Variants in DAD1 observed in about 807,000 individuals in gnomAD.
DAD1 encodes the protein dolichyl-diphosphooligosaccharide--protein glycosyltransferase subunit DAD1.
In DAD1, 4 loss-of-function variants were observed where a neutral mutation model predicts 9.0. The ratio of observed to expected loss-of-function variants is 0.44; its 90% CI spans 0.22 to 1.01. The LOEUF (loss-of-function observed/expected upper bound fraction) is 1.01. Ranked by LOEUF, DAD1 falls within the 50% of genes least tolerant of loss-of-function variation. DAD1 has a pLI of 0.24. For missense variants in DAD1, 119 were observed against 137.3 expected (o/e 0.87, Z 0.67); for synonymous variants, 60 against 62.5 (o/e 0.96, Z 0.19).
intron 2 of DAD1, among the ~76,000 whole-genome samples, chr14:22,573,357 T>C (rs2037054146): frequency 6.6e-6 from 1 of 151,806 alleles, no homozygotes; most frequent in Non-Finnish European, 1.5e-5. Context: ...GGCTGGCACA[T>C]AGAAGGGGAG....
intron 2 of DAD1, among the ~76,000 whole-genome samples, chr14:22,571,292 C>T (rs7150788): frequency 0.097 from 12,031 of 124,308 alleles, 948 homozygotes; most frequent in African/African-American, 0.25. Context: ...CTAGCCTGGG[C>T]AAGACAGTAA....
intron 2 of DAD1, among the ~76,000 whole-genome samples, chr14:22,565,573 A>C (rs1213374673): frequency 6.6e-6 from 1 of 152,240 alleles, no homozygotes; most frequent in East Asian, 1.9e-4. Flanking sequence ...TAGGGAAGTA[A>C]GGATTCAAGA....
chr14:22,577,629 A>G (rs1594882557), intron 1 of DAD1, among the ~76,000 whole-genome samples: 1 of 152,248 alleles, frequency 6.6e-6, no homozygotes, highest in South Asian at 2.1e-4. Context: ...GATACCTGCT[A>G]CAACACGGCT....
chr14:22,573,985 AC>A (rs1411280998), intron 2 of DAD1, among the ~76,000 whole-genome samples: 1 of 152,214 alleles, frequency 6.6e-6, no homozygotes, highest in Non-Finnish European at 1.5e-5. Flanking sequence ...TATAAAAATG[AC>A]AGCTTTCCAA....
intron 1 of DAD1, among the ~76,000 whole-genome samples, chr14:22,579,267 T>C (rs866496140): frequency 6.6e-6 from 1 of 150,480 alleles, no homozygotes; most frequent in African/African-American, 2.4e-5. Flanking sequence ...TTCCGAAGTA[T>C]CTTTATGCCT....
At position 22,585,484 on chromosome 14, in the gene DAD1, C is replaced by G. The variant is rs5742752; in HGVS notation, c.211+3463G>C. Among the ~76,000 whole-genome samples, 6 of 152,282 alleles carry G rather than the reference C, an allele frequency of 3.9e-5. No individual in the cohort carries two copies. The East Asian group carries it at 1.2e-3, about 29-fold the overall frequency. On this transcript the variant is annotated intron_variant, in intron 1 of 2. Coordinates refer to ENST00000250498, the MANE Select transcript of DAD1 (RefSeq NM_001344.4). ...GATATCTAACTACAAGATAAACAGTCAGCTACTGGATGTTTGAAATCTGTC... is the reference window on the plus strand; with the variant it reads ...GATATCTAACTACAAGATAAACAGTGAGCTACTGGATGTTTGAAATCTGTC...
At chr14:22,584,586 G>C (rs2037139958) in intron 1 of DAD1, among the ~76,000 whole-genome samples, 1 of 150,638 alleles carries the variant, frequency 6.6e-6, no homozygotes, top group Admixed American at 6.6e-5. Flanking sequence ...AATTGCACTT[G>C]AGCTGAGAAG....
rs139319316 is a variant in DAD1, at chr14:22,569,701, A to G, written c.*45-4564T>C. On this transcript the variant is annotated intron_variant, in intron 2 of 2. Transcript: ENST00000250498. Reference sequence around the variant, plus strand: ...GGCAGCAATGAAATTCATAAATATAAATCTATTTCGATATTCTTTTTTCTT... The same window carrying G: ...GGCAGCAATGAAATTCATAAATATAGATCTATTTCGATATTCTTTTTTCTT... Among the ~76,000 whole-genome samples the G allele has an allele frequency of 3.9e-3, 595 of 152,358 alleles. 1 individual carries two copies. Among genetic ancestry groups the G allele is most frequent in the Admixed American group, 8.0e-3 (122 of 15,310 alleles).
At chr14:22,580,995 T>C (rs2037112477) in intron 1 of DAD1, among the ~76,000 whole-genome samples, 1 of 152,220 alleles carries the variant, frequency 6.6e-6, no homozygotes, top group Non-Finnish European at 1.5e-5. Context: ...AGTCTCTCCC[T>C]GGGCACTTCC....
At chr14:22,573,929 T>C (rs1377366583) in intron 2 of DAD1, among the ~76,000 whole-genome samples, 1 of 152,122 alleles carries the variant, frequency 6.6e-6, no homozygotes, top group Non-Finnish European at 1.5e-5. Flanking sequence ...TGCATCCACT[T>C]TGCACATAGA....
chr14:22,568,526 A>T (rs1006338086), intron 2 of DAD1, among the ~76,000 whole-genome samples: 26 of 152,192 alleles, frequency 1.7e-4, no homozygotes, highest in Non-Finnish European at 2.4e-4. Flanking sequence ...CCTCAAACAC[A>T]AAAGAACCAT....
At chr14:22,587,729 A>G (rs982869880) in intron 1 of DAD1, among the ~76,000 whole-genome samples, 1 of 150,930 alleles carries the variant, frequency 6.6e-6, no homozygotes, top group Non-Finnish European at 1.5e-5. Context: ...GCACAGCACC[A>G]CTGTCACCAG....
Position 22,589,172 on chromosome 14 carries a change from T to C in DAD1, c.-15A>G, listed in dbSNP as rs139670797. On this transcript the variant is annotated 5_prime_UTR_variant, in exon 1 of 3. Coordinates refer to ENST00000250498, the MANE Select transcript of DAD1 (RefSeq NM_001344.4). ...GACGCCGACATAACTGCACGCAAGG[T>C]ACTCCGGTCCGCGCCCCAAACTCTT... is the stretch of plus-strand genomic sequence containing the variant. The C allele has an allele frequency of 8.9e-4, 1,441 of 1,613,830 alleles. 12 individuals are homozygous for C. The African/African-American group carries it at 0.015, about 17-fold the overall frequency.
Position 22,571,025 on chromosome 14 carries a change from T to TAAAA in DAD1, c.*44+4030_*44+4033dup, listed in dbSNP as rs34659715. Among the ~76,000 whole-genome samples the TAAAA allele has an allele frequency of 5.7e-3, 855 of 149,238 alleles. 6 individuals carry two copies. The highest frequency in any genetic ancestry group is 0.019 in the African/African-American group (784 of 40,498). The stretch of plus-strand genomic sequence containing the variant: ...GGACTGAGATTTTTTTTTTTTTTTT[T>TAAAA]AAAAAAGAGTTTCACAGGCCAGGTG... On this transcript the variant is annotated intron_variant, in intron 2 of 2. Coordinates refer to ENST00000250498, the MANE Select transcript of DAD1 (RefSeq NM_001344.4).
intron 1 of DAD1, among the ~76,000 whole-genome samples, chr14:22,585,058 T>C (rs540005366): frequency 2.6e-5 from 4 of 152,352 alleles, no homozygotes; most frequent in African/African-American, 9.6e-5. Context: ...TGAGAGATAA[T>C]ATTAGGATCC....
In DAD1 at chr14:22,565,150, A is replaced by T; in HGVS notation, c.*45-13T>A. On this transcript the variant is annotated splice_polypyrimidine_tract_variant and intron_variant, in intron 2 of 2. Coordinates refer to ENST00000250498, the MANE Select transcript of DAD1 (RefSeq NM_001344.4). The stretch of plus-strand genomic sequence containing the variant: ...TCAAAGAGTGAACCTAGAAGAAAAA[A>T]GCAGCAAGGTTAAATGTCTTATGAT... The T allele has an allele frequency of 1.4e-6, 1 of 702,316 alleles. No individual in the cohort carries two copies. Among genetic ancestry groups the T allele is most frequent in the Non-Finnish European group, 2.6e-6 (1 of 384,800 alleles). The allele number at this position is 702,316 out of a possible 1,614,324, so 43.5% of individuals were successfully genotyped here.
At chr14:22,575,617 G>T (rs998253962) in intron 1 of DAD1, among the ~76,000 whole-genome samples, 4 of 152,106 alleles carry the variant, frequency 2.6e-5, no homozygotes, top group Admixed American at 2.6e-4. Context: ...GCATGATCTC[G>T]GCTCACTGCA....
At position 22,585,824 on chromosome 14, in the gene DAD1, CA is replaced by C. The variant is rs527960298; in HGVS notation, c.211+3122del. On this transcript the variant is annotated intron_variant, in intron 1 of 2. Coordinates refer to ENST00000250498, the MANE Select transcript of DAD1 (RefSeq NM_001344.4). ...GAGGGAATAGAAGAGAATAGACTGC[CA>C]AAAAAAAATAGAGAAGATTAAAGAA... 4.7e-5 allele frequency among the ~76,000 whole-genome samples: 7 copies of C among 149,972 alleles called. No homozygotes were observed. In the South Asian group the frequency reaches 6.3e-4, roughly 14 times the overall value.
In DAD1 at chr14:22,575,211, G is replaced by A; in HGVS notation, c.234C>T (p.Asn78=). ...CTTGGAAATCCGCTTTGTTCTGTGG[G>A]TTGATCTGTATTCTCAGGCAAACTG... The part of the protein sequence containing the change: ...ILAVCLRIQI[N]PQNKADFQGI... The change falls in exon 2 of 3, where the codon AAC becomes AAT. Residue 78 remains asparagine, a synonymous_variant. Coordinates refer to ENST00000250498, the MANE Select transcript of DAD1 (RefSeq NM_001344.4). 1 of 1,614,052 alleles carries A rather than the reference G, an allele frequency of 6.2e-7. No individual in the cohort carries two copies. The highest frequency in any genetic ancestry group is 2.2e-5 in the East Asian group (1 of 44,874).
Sources: allele counts gnomAD v4.1 joint callset (sites outside exome capture counted in the v4.1 genomes callset), GRCh38; gene constraint gnomAD v4.1.1; transcripts MANE v1.5; gene names NCBI Gene and HGNC (gene_info 2026-07-23, HGNC 2026-07-21).